DMD: variants seen among roughly 807,000 people sequenced by gnomAD.
The protein encoded by DMD is mutant dystrophin.
Under a neutral mutation model 330.1 loss-of-function variants are expected in DMD, and 63 were observed. The ratio of observed to expected loss-of-function variants is 0.19; its 90% CI spans 0.16 to 0.24. The LOEUF is 0.24. Ranked by LOEUF, DMD falls within the 10% of genes least tolerant of loss-of-function variation. The pLI, the probability that DMD is intolerant of heterozygous loss-of-function variation, is 1.00. For missense variants in DMD, 3,344 were observed against 2,684.1 expected (o/e 1.25, Z -5.43); for synonymous variants, 1,223 against 959.8 (o/e 1.27, Z -5.07).
rs981397126 is a variant in DMD at position 32,883,691 on chromosome X, G to A, written c.94-33871C>T. Among the ~76,000 whole-genome samples, 17 of 107,567 alleles carry A rather than the reference G, an allele frequency of 1.6e-4. 1 individual carries two copies. Among genetic ancestry groups the A allele is most frequent in the Admixed American group, 6.0e-4 (6 of 9,955 alleles). The allele number at this position is 107,567 out of a possible 115,157, so 93.4% of individuals were successfully genotyped here. On this transcript the variant is annotated intron_variant, in intron 2 of 78. Coordinates refer to ENST00000357033, the MANE Select transcript of DMD (RefSeq NM_004006.3). ...TACAAAAAATTAGCCGGGCATGGTGGCGGGCACCTGTAGTCCCAGCTACTT... is the reference window on the plus strand; with the variant it reads ...TACAAAAAATTAGCCGGGCATGGTGACGGGCACCTGTAGTCCCAGCTACTT...
chrX:32,792,250 C>T (rs1056819119), intron 7 of DMD, among the ~76,000 whole-genome samples: 6 of 110,839 alleles, frequency 5.4e-5, no homozygotes, highest in Admixed American at 4.8e-4. Flanking sequence ...GAGTCCTATA[C>T]CTGGAAGTGA....
At chrX:32,335,911 G>GTA (rs756797877) in intron 41 of DMD, among the ~76,000 whole-genome samples, 2 of 104,395 alleles carry the variant, frequency 1.9e-5, no homozygotes, top group Non-Finnish European at 3.9e-5. Context: ...CATATAACGT[G>GTA]TATATATGTA....
intron 60 of DMD, among the ~76,000 whole-genome samples, chrX:31,440,241 G>A (rs1329215474): frequency 2.8e-5 from 3 of 107,833 alleles, no homozygotes; most frequent in Admixed American, 1.0e-4. Flanking sequence ...TCCGCCTCCC[G>A]GGTTCAAGCG....
At chrX:32,032,917 G>T (rs760405775) in intron 44 of DMD, among the ~76,000 whole-genome samples, 1 of 112,149 alleles carries the variant, frequency 8.9e-6, no homozygotes, top group Non-Finnish European at 1.9e-5. Flanking sequence ...TCCTCACAGT[G>T]CAGGATGGAG....
intron 44 of DMD, among the ~76,000 whole-genome samples, chrX:32,199,829 T>TG (rs2097025630): frequency 8.7e-4 from 89 of 102,461 alleles, no homozygotes; most frequent in African/African-American, 2.9e-3. Flanking sequence ...TGTGTGTGTA[T>TG]TTTTAGTAGA....
intron 1 of DMD, among the ~76,000 whole-genome samples, chrX:33,257,563 C>T (rs2052879093): frequency 9.0e-6 from 1 of 111,041 alleles, no homozygotes; most frequent in Non-Finnish European, 1.9e-5. Context: ...CCTTCTTATT[C>T]AATTATGATA....
intron 74 of DMD, among the ~76,000 whole-genome samples, chrX:31,163,894 C>T (rs2039134193): frequency 9.0e-6 from 1 of 111,497 alleles, no homozygotes; most frequent in Non-Finnish European, 1.9e-5. Flanking sequence ...TGAAGTAACC[C>T]CAACAACCAT....
chrX:33,054,367 C>G (rs1365142416), intron 1 of DMD, among the ~76,000 whole-genome samples: 1 of 111,577 alleles, frequency 9.0e-6, no homozygotes, highest in South Asian at 3.7e-4. Flanking sequence ...GGTATAACAA[C>G]AAAAAATATA....
At chrX:33,084,028 A>G (rs912404620) in intron 1 of DMD, among the ~76,000 whole-genome samples, 1 of 111,926 alleles carries the variant, frequency 8.9e-6, no homozygotes, top group Non-Finnish European at 1.9e-5. Context: ...ACACCCCACC[A>G]TGAGGCTACA....
intron 1 of DMD, among the ~76,000 whole-genome samples, chrX:33,072,144 G>A (rs913197262): frequency 1.8e-5 from 2 of 112,121 alleles, no homozygotes; most frequent in Non-Finnish European, 3.8e-5. Context: ...CAGGCCCAGC[G>A]CGGTGGCTCA....
intron 30 of DMD, among the ~76,000 whole-genome samples, chrX:32,396,217 G>A (rs925530855): frequency 5.4e-5 from 6 of 111,169 alleles, no homozygotes; most frequent in Admixed American, 2.9e-4. Context: ...TCAAGGCAAA[G>A]CATTCCATGG....
chrX:32,769,969 A>G (rs1444097163), intron 7 of DMD, among the ~76,000 whole-genome samples: 3 of 112,130 alleles, frequency 2.7e-5, no homozygotes, highest in Non-Finnish European at 5.6e-5. Flanking sequence ...ACCCTTACTT[A>G]GTACAGACTA....
At chrX:32,453,447 T>C (rs1361422911) in intron 26 of DMD, among the ~76,000 whole-genome samples, 1 of 111,263 alleles carries the variant, frequency 9.0e-6, no homozygotes, top group East Asian at 2.8e-4. Context: ...ACTTTCAACA[T>C]TTGACTAAAG....
intron 62 of DMD, among the ~76,000 whole-genome samples, chrX:31,278,191 T>C (rs974290139): frequency 5.4e-5 from 6 of 110,972 alleles, no homozygotes; most frequent in Non-Finnish European, 1.1e-4. Flanking sequence ...TTATAGTGGA[T>C]TGGCAAAAAA....
chrX:33,210,605 G>C (rs1028368433), intron 1 of DMD, among the ~76,000 whole-genome samples: 3 of 111,297 alleles, frequency 2.7e-5, no homozygotes, highest in Non-Finnish European at 5.7e-5. Context: ...TTTGTATGTC[G>C]TTTACCCAAG....
At chrX:32,228,167 G>A (rs1228247734) in intron 43 of DMD, among the ~76,000 whole-genome samples, 1 of 110,923 alleles carries the variant, frequency 9.0e-6, no homozygotes, top group African/African-American at 3.3e-5. Context: ...ACCTATGCTT[G>A]GTATCTGATT....
chrX:32,514,153 T>C (rs777181307), intron 18 of DMD, among the ~76,000 whole-genome samples: 1 of 106,017 alleles, frequency 9.4e-6, no homozygotes, highest in East Asian at 3.0e-4. Flanking sequence ...GCTTAATACA[T>C]AGTCAGTGAT....
rs756267575 is a variant in DMD at position 32,501,773 on chromosome X, C to A, written c.2362G>T (p.Val788Leu). 10 of 1,206,772 alleles carry A rather than the reference C, an allele frequency of 8.3e-6. No homozygotes were observed. In the African/African-American group the frequency reaches 1.7e-4, roughly 21 times the overall value. Residue 788 changes from valine to leucine, a missense_variant, in exon 19 of 79, where the codon GTG becomes TTG. Val to Leu is a conservative substitution (Grantham distance 32, BLOSUM62 1). Coordinates refer to ENST00000357033, the MANE Select transcript of DMD (RefSeq NM_004006.3). Reference sequence around the variant, plus strand: ...TAATTACCATTCACCATCTGTTCCACCAGGGCCTGAGCTGATCTGCTGGCA... The same window carrying A: ...TAATTACCATTCACCATCTGTTCCAACAGGGCCTGAGCTGATCTGCTGGCA... Reference protein sequence around the residue: ...QDASRSAQALVEQMVNEGVNA... With the variant: ...QDASRSAQALLEQMVNEGVNA...
intron 62 of DMD, among the ~76,000 whole-genome samples, chrX:31,298,043 T>A (rs1261610402): frequency 8.9e-6 from 1 of 111,965 alleles, no homozygotes; most frequent in African/African-American, 3.2e-5. Flanking sequence ...TTTTGCTTTG[T>A]TAGTGTGGGC....
Sources: allele counts gnomAD v4.1 joint callset (sites outside exome capture counted in the v4.1 genomes callset), GRCh38; gene constraint gnomAD v4.1.1; transcripts MANE v1.5; gene names NCBI Gene and HGNC (gene_info 2026-07-23, HGNC 2026-07-21).